The following ACACA variants were observed in gnomAD, a reference collection of about 807,000 sequenced individuals.
ACACA encodes the protein acetyl-CoA carboxylase 1.
In ACACA, 103 loss-of-function variants were observed where a neutral mutation model predicts 296.1. The ratio of observed to expected loss-of-function variants is 0.35; its 90% confidence interval spans 0.30 to 0.41. The LOEUF (loss-of-function observed/expected upper bound fraction) is 0.41, where lower values mean the gene tolerates loss of function less well. ACACA is among the 10% of genes least tolerant of loss of function. The pLI is 1.00. For missense variants in ACACA, 1,554 were observed against 2,989.7 expected, an observed-to-expected ratio of 0.52 and a Z score of 11.20; for synonymous variants, 953 against 1,038.6, an observed-to-expected ratio of 0.92 and a Z score of 1.58.
intron 35 of ACACA, among the ~76,000 whole-genome samples, chr17:37,195,970 A>C (rs184794042): frequency 1.3e-5 from 2 of 152,282 alleles, no homozygotes; most frequent in Admixed American, 1.3e-4. Flanking sequence ...TTTCACAGGA[A>C]GAAATTATGC....
chr17:37,186,670 TAGA>T (rs1219764455), intron 39 of ACACA, among the ~76,000 whole-genome samples: 20 of 152,314 alleles, frequency 1.3e-4, no homozygotes, highest in African/African-American at 4.8e-4. Context: ...GAAGAGTCTG[TAGA>T]AGACCTCTTC....
intron 3 of ACACA, among the ~76,000 whole-genome samples, chr17:37,309,098 C>T (rs186324936): frequency 2.6e-5 from 4 of 152,120 alleles, no homozygotes; most frequent in Non-Finnish European, 4.4e-5. Flanking sequence ...TAGTTCACTG[C>T]GGCCTTAAAC....
intron 45 of ACACA, among the ~76,000 whole-genome samples, chr17:37,147,736 G>T (rs78676537): frequency 6.6e-6 from 1 of 152,168 alleles, no homozygotes; most frequent in Non-Finnish European, 1.5e-5. Context: ...TGCCCTTTTG[G>T]AAGTGAGCAT....
chr17:37,279,677 G>A (rs545094819), intron 5 of ACACA, among the ~76,000 whole-genome samples: 1 of 151,676 alleles, frequency 6.6e-6, no homozygotes, highest in East Asian at 1.9e-4. Flanking sequence ...TGGGCCTGGT[G>A]GTGGGCACCT....
intron 45 of ACACA, among the ~76,000 whole-genome samples, chr17:37,133,429 A>T (rs754170983): frequency 2.0e-5 from 3 of 152,192 alleles, no homozygotes; most frequent in Non-Finnish European, 2.9e-5. Context: ...AGCTCCAACC[A>T]AGGAAGCAGA....
At chr17:37,274,001 T>C (rs144229987) in intron 9 of ACACA, among the ~76,000 whole-genome samples, 192 bp downstream of exon 9, 235 of 152,328 alleles carry the variant, frequency 1.5e-3, no homozygotes, top group African/African-American at 5.4e-3. Context: ...CCTCAATCTG[T>C]ACTTTTTAAA....
rs188804545 is a variant in ACACA, at chr17:37,344,845, C to T, written c.39-4995G>A. Reference sequence around the variant, plus strand: ...GGATTGGTTGAAATTGTTTCCGAAGCTTCAGATCATTACATTTTCTCCCCA... The same window carrying T: ...GGATTGGTTGAAATTGTTTCCGAAGTTTCAGATCATTACATTTTCTCCCCA... On this transcript the variant is annotated intron_variant, in intron 1 of 55. Coordinates refer to ENST00000616317, the MANE Select transcript of ACACA (RefSeq NM_198834.3). Among the ~76,000 whole-genome samples the T allele has an allele frequency of 5.3e-5, 8 of 152,274 alleles. No individual in the cohort carries two copies. In the East Asian group the frequency reaches 1.4e-3, roughly 26 times the overall value.
Position 37,167,788 on chromosome 17 carries a change from A to G in ACACA, c.5080-5738T>C, listed in dbSNP as rs901529646. Reference sequence around the variant, plus strand: ...TTTGGTAATCATATCATGGTTACATAAAGTGTTTTAACATTAAGAGAAGCT... The same window carrying G: ...TTTGGTAATCATATCATGGTTACATGAAGTGTTTTAACATTAAGAGAAGCT... On this transcript the variant is annotated intron_variant, in intron 41 of 55. Coordinates refer to ENST00000616317, the MANE Select transcript of ACACA (RefSeq NM_198834.3). Among the ~76,000 whole-genome samples the G allele has an allele frequency of 7.2e-5, 11 of 152,148 alleles. No individual in the cohort carries two copies. In the East Asian group the frequency reaches 1.7e-3, roughly 24 times the overall value.
chr17:37,216,206 GTGTATATA>G (rs1222517985), intron 29 of ACACA, among the ~76,000 whole-genome samples: 1 of 146,102 alleles, frequency 6.8e-6, no homozygotes, highest in African/African-American at 2.7e-5. Flanking sequence ...GTGTGTGTGT[GTGTATATA>G]TATATATATA....
At chr17:37,156,343 G>A (rs776258525) in intron 42 of ACACA, among the ~76,000 whole-genome samples, 10 of 152,112 alleles carry the variant, frequency 6.6e-5, no homozygotes, top group African/African-American at 9.7e-5. Context: ...GATTAAAGGC[G>A]TGAGCCACTG....
chr17:37,229,935 C>T (rs766524223), intron 25 of ACACA, among the ~76,000 whole-genome samples: 3 of 151,402 alleles, frequency 2.0e-5, no homozygotes, highest in East Asian at 2.0e-4. Context: ...GGCGTGGTGG[C>T]GCATGCCTGT....
chr17:37,316,056 TCCCAAGGGC>T (rs2047070398), intron 3 of ACACA, among the ~76,000 whole-genome samples: 2 of 152,018 alleles, frequency 1.3e-5, no homozygotes, highest in South Asian at 4.1e-4. Flanking sequence ...GGTCAAGAAA[TCCCAAGGGC>T]TTTAGGAACT....
chr17:37,130,689 A>G (rs140730570), intron 45 of ACACA, among the ~76,000 whole-genome samples: 1,773 of 152,230 alleles, frequency 0.012, 9 homozygotes, highest in Non-Finnish European at 0.017. Context: ...AGATAGGCAA[A>G]GCATACTTCC....
At position 37,406,301 on chromosome 17, in the gene ACACA, C is replaced by T. The variant is rs1171631454; in HGVS notation, c.-2G>A. 2.5e-6 allele frequency: 4 copies of T among 1,614,178 alleles called. No individual in the cohort carries two copies. Among genetic ancestry groups the T allele is most frequent in the Admixed American group, 1.7e-5 (1 of 60,024 alleles). ...TGACATCAGAGTAGACCACCACATC[C>T]TCTCATCATTGCGCCTCAATTTGGG... On this transcript the variant is annotated 5_prime_UTR_variant, in exon 1 of 56. Coordinates refer to ENST00000616317, the MANE Select transcript of ACACA (RefSeq NM_198834.3).
intron 33 of ACACA, among the ~76,000 whole-genome samples, chr17:37,200,784 G>T (rs1422088810): frequency 1.3e-5 from 2 of 152,182 alleles, no homozygotes; most frequent in Non-Finnish European, 2.9e-5. Context: ...GGTAGGCCAT[G>T]ACACAATTTC....
Position 37,207,751 on chromosome 17 carries a change from T to A in ACACA, c.3757A>T (p.Ser1253Cys), listed in dbSNP as rs2078571482. The change falls in exon 31 of 56, where the codon AGT becomes TGT. Residue 1253 changes from serine (S) to cysteine (C), a missense_variant. Coordinates refer to ENST00000616317, the MANE Select transcript of ACACA (RefSeq NM_198834.3). ...TTGTCCAACAGTACATCGCTGACAC[T>A]AGCTACATGGGTCATGCCATAGTGG... ...LNHYGMTHVA[S>C]VSDVLLDNSF... 5 of 1,613,866 alleles carry A rather than the reference T, an allele frequency of 3.1e-6. No homozygotes were observed. The East Asian group carries it at 8.9e-5, about 29-fold the overall frequency.
At chr17:37,184,145 CCCAG>C (rs1352065645) in intron 39 of ACACA, among the ~76,000 whole-genome samples, 1 of 152,128 alleles carries the variant, frequency 6.6e-6, no homozygotes, top group Non-Finnish European at 1.5e-5. Context: ...AGCCACCATG[CCCAG>C]CCAGTCTTTT....
chr17:37,237,424 T>C (rs76977671), intron 24 of ACACA, among the ~76,000 whole-genome samples: 1,744 of 152,332 alleles, frequency 0.011, 37 homozygotes, highest in African/African-American at 0.038. Flanking sequence ...TAAGTTCAAC[T>C]TTATTAGGTA....
At chr17:37,148,852 C>T (rs1420632557) in intron 45 of ACACA, among the ~76,000 whole-genome samples, 1 of 151,994 alleles carries the variant, frequency 6.6e-6, no homozygotes, top group East Asian at 1.9e-4. Flanking sequence ...CTAGGCATGC[C>T]CAGTAGAACT....
Sources: gnomAD v4.1 joint callset for allele counts (sites outside exome capture counted in the v4.1 genomes callset) on GRCh38, gnomAD v4.1.1 for gene constraint, MANE v1.5 for transcripts, NCBI Gene and HGNC (gene_info 2026-07-23, HGNC 2026-07-21) for gene names.